TBC1D5: variants seen among roughly 807,000 people sequenced by gnomAD.
The protein encoded by TBC1D5 is TBC1 domain family member 5, also known as TBC1 domain family, member 5.
TBC1D5 carries 75 observed loss-of-function variants against 100.3 expected under a neutral mutation model. That is an observed-to-expected ratio of 0.75 (90% CI 0.62 to 0.91). The LOEUF is 0.91. Among genes scored for constraint, TBC1D5 ranks in the 40% least tolerant of loss-of-function variants. TBC1D5 has a pLI of 0.00. For synonymous variants in TBC1D5, 323 were observed against 325.6 expected, an observed-to-expected ratio of 0.99 and a Z score of 0.09; for missense variants, 910 against 942.4, an observed-to-expected ratio of 0.97 and a Z score of 0.45.
At chr3:17,304,877 GTTC>G (rs1464052361) in intron 14 of TBC1D5, among the ~76,000 whole-genome samples, 3 of 110,934 alleles carry the variant, frequency 2.7e-5, no homozygotes, top group African/African-American at 1.4e-4. Context: ...TAGCTACATC[GTTC>G]TTCTTCCTTA....
At chr3:17,712,967 T>C (rs1257193864) in intron 1 of TBC1D5, among the ~76,000 whole-genome samples, 4 of 152,186 alleles carry the variant, frequency 2.6e-5, no homozygotes, top group Admixed American at 2.6e-4. Flanking sequence ...TTTTTATGTT[T>C]CTCCTATCCC....
chr3:17,455,247 T>TA, intron 3 of TBC1D5, among the ~76,000 whole-genome samples: 1 of 140,916 alleles, frequency 7.1e-6, no homozygotes, highest in East Asian at 2.0e-4. Flanking sequence ...CATATATTAT[T>TA]GTATATATGT....
At chr3:17,732,720 A>T (rs375317204) in intron 1 of TBC1D5, among the ~76,000 whole-genome samples, 2 of 144,812 alleles carry the variant, frequency 1.4e-5, no homozygotes, top group Admixed American at 1.4e-4. Flanking sequence ...CCGTCTCAAA[A>T]AAATAAATAA....
intron 1 of TBC1D5, among the ~76,000 whole-genome samples, chr3:17,681,042 T>C (rs2069384171): frequency 1.3e-5 from 2 of 151,462 alleles, no homozygotes; most frequent in South Asian, 4.1e-4. Flanking sequence ...AGAAATCTTG[T>C]GTTTACCGTG....
At chr3:17,326,243 A>T (rs2086121209) in intron 13 of TBC1D5, among the ~76,000 whole-genome samples, 1 of 152,210 alleles carries the variant, frequency 6.6e-6, no homozygotes, top group African/African-American at 2.4e-5. Context: ...TTCCATCCAG[A>T]ATAGGAACAT....
chr3:17,484,053 C>A (rs2095530976), intron 3 of TBC1D5, among the ~76,000 whole-genome samples: 1 of 152,104 alleles, frequency 6.6e-6, no homozygotes, highest in Non-Finnish European at 1.5e-5. Flanking sequence ...AAGATACTAC[C>A]TATACCACCA....
intron 1 of TBC1D5, among the ~76,000 whole-genome samples, chr3:17,738,003 A>C (rs1158953761): frequency 1.3e-5 from 2 of 152,216 alleles, no homozygotes; most frequent in African/African-American, 4.8e-5. Context: ...ACATTCAGAA[A>C]AAAAGGTGAT....
At chr3:17,436,602 C>A (rs1198090145) in intron 3 of TBC1D5, among the ~76,000 whole-genome samples, 1 of 151,938 alleles carries the variant, frequency 6.6e-6, no homozygotes, top group Non-Finnish European at 1.5e-5. Flanking sequence ...TCCTTCCTGA[C>A]AACGATCTTA....
intron 2 of TBC1D5, among the ~76,000 whole-genome samples, chr3:17,544,932 A>G (rs547913399): frequency 6.6e-6 from 1 of 152,160 alleles, no homozygotes; most frequent in African/African-American, 2.4e-5. Flanking sequence ...ACAAATAGCT[A>G]TGGGTCCCTA....
At chr3:17,666,432 C>A (rs752471274) in intron 1 of TBC1D5, among the ~76,000 whole-genome samples, 18 of 152,106 alleles carry the variant, frequency 1.2e-4, no homozygotes, top group Admixed American at 2.6e-4. Flanking sequence ...AAGTAACATA[C>A]TAGAATCACC....
intron 1 of TBC1D5, among the ~76,000 whole-genome samples, chr3:17,641,659 G>A (rs1447596763): frequency 6.6e-6 from 1 of 151,862 alleles, no homozygotes; most frequent in Non-Finnish European, 1.5e-5. Context: ...AATGTAATAA[G>A]GCCACCTATG....
intron 2 of TBC1D5, among the ~76,000 whole-genome samples, chr3:17,618,267 G>T (rs1435392538): frequency 6.6e-6 from 1 of 152,166 alleles, no homozygotes. Context: ...TCCTTCCTCT[G>T]GAAGCTTCAT....
intron 15 of TBC1D5, among the ~76,000 whole-genome samples, chr3:17,276,717 C>G (rs1485358582): frequency 6.6e-6 from 1 of 152,196 alleles, no homozygotes; most frequent in East Asian, 1.9e-4. Flanking sequence ...CAGAGACTGG[C>G]TGCTCACCAA....
intron 15 of TBC1D5, among the ~76,000 whole-genome samples, chr3:17,277,829 C>T (rs951534744): frequency 2.0e-5 from 3 of 152,224 alleles, no homozygotes; most frequent in Admixed American, 2.0e-4. Context: ...GGTCTTGGCT[C>T]TGCCACTGAA....
chr3:17,322,890 C>T (rs1575328301), intron 13 of TBC1D5, among the ~76,000 whole-genome samples: 1 of 152,130 alleles, frequency 6.6e-6, no homozygotes, highest in Admixed American at 6.5e-5. Flanking sequence ...GGTTAGTATA[C>T]CCATGAAAAA....
At chr3:17,468,895 T>C (rs1158161274) in intron 3 of TBC1D5, among the ~76,000 whole-genome samples, 1 of 152,182 alleles carries the variant, frequency 6.6e-6, no homozygotes, top group Non-Finnish European at 1.5e-5. Flanking sequence ...TTAGCAAATC[T>C]CTAGACCCTC....
At chr3:17,305,500 C>G (rs2083308721) in intron 14 of TBC1D5, among the ~76,000 whole-genome samples, 1 of 152,148 alleles carries the variant, frequency 6.6e-6, no homozygotes, top group Admixed American at 6.5e-5. Flanking sequence ...CAGGTGGCAT[C>G]TGTGGTGATG....
intron 18 of TBC1D5, among the ~76,000 whole-genome samples, chr3:17,213,438 T>C (rs1033392954): frequency 6.6e-6 from 1 of 152,234 alleles, no homozygotes; most frequent in Non-Finnish European, 1.5e-5. Flanking sequence ...GCAGTGGATA[T>C]GCCTTAGCTA....
intron 15 of TBC1D5, among the ~76,000 whole-genome samples, chr3:17,271,569 C>T (rs1355126962): frequency 6.6e-6 from 1 of 152,082 alleles, no homozygotes; most frequent in Non-Finnish European, 1.5e-5. Context: ...CTCTGACTAC[C>T]TTTTTTCCTA....
Sources: gnomAD v4.1 joint callset for allele counts (sites outside exome capture counted in the v4.1 genomes callset) on GRCh38, gnomAD v4.1.1 for gene constraint, MANE v1.5 for transcripts, NCBI Gene and HGNC (gene_info 2026-07-23, HGNC 2026-07-21) for gene names.